Variants in SUGP1 observed in about 807,000 individuals in gnomAD.
SUGP1 encodes the protein SURP and G-patch domain containing 1.
In SUGP1, 34 loss-of-function variants were observed where a neutral mutation model predicts 76.5. That is an observed-to-expected ratio of 0.44 (90% CI 0.34 to 0.59). The LOEUF is 0.59. Among genes scored for constraint, SUGP1 ranks in the 20% least tolerant of loss-of-function variants. The pLI, the probability that SUGP1 is intolerant of heterozygous loss-of-function variation, is 0.01. For synonymous variants in SUGP1, 326 were observed against 326.2 expected (o/e 1.00, Z 0.01); for missense variants, 752 against 851.7 (o/e 0.88, Z 1.46).
In SUGP1 at chr19:19,278,206, A is replaced by G. The variant is rs193127806; in HGVS notation, c.1636-327T>C. Among the ~76,000 whole-genome samples, 4 of 152,308 alleles carry G rather than the reference A, an allele frequency of 2.6e-5. No individual in the cohort carries two copies. In the East Asian group the frequency reaches 7.7e-4, roughly 29 times the overall value. Reference sequence around the variant, plus strand: ...TCATGTCCTGAGAGCAATTTGTTGTACAAGGTACTAATAAGAGATGGACAA... The same window carrying G: ...TCATGTCCTGAGAGCAATTTGTTGTGCAAGGTACTAATAAGAGATGGACAA... On this transcript the variant is annotated intron_variant, in intron 11 of 13. Transcript: ENST00000247001.
intron 8 of SUGP1, among the ~76,000 whole-genome samples, chr19:19,290,030 TTA>T (rs1435939023): frequency 6.8e-6 from 1 of 148,118 alleles, no homozygotes; most frequent in Non-Finnish European, 1.5e-5. Context: ...GATAGGAAAT[TTA>T]TGTCTGGAGA....
At chr19:19,312,717 G>T (rs1216720773) in intron 2 of SUGP1, among the ~76,000 whole-genome samples, 2 of 152,206 alleles carry the variant, frequency 1.3e-5, no homozygotes, top group African/African-American at 4.8e-5. Context: ...GCCAGGCGCG[G>T]TGGCTCACGC....
chr19:19,306,333 C>T lies in SUGP1; in HGVS notation c.311-257G>A, dbSNP rs570414358. On this transcript the variant is annotated intron_variant, in intron 3 of 13. Coordinates refer to ENST00000247001, the MANE Select transcript of SUGP1 (RefSeq NM_172231.4). ...CCGCTGTGGCTGGAGGCATCTCGGT[C>T]GCGCTGCACCCACAGACTGGGGACA... 5.3e-5 allele frequency among the ~76,000 whole-genome samples: 8 copies of T among 152,310 alleles called. No homozygotes were observed. In the South Asian group the frequency reaches 1.2e-3, roughly 24 times the overall value.
At chr19:19,308,365 C>T (rs566900573) in intron 3 of SUGP1, among the ~76,000 whole-genome samples, 28 of 152,182 alleles carry the variant, frequency 1.8e-4, no homozygotes, top group African/African-American at 4.6e-4. Flanking sequence ...GAAGAGAATA[C>T]GACGTGTGTT....
chr19:19,280,158 C>G (rs2061086666), intron 9 of SUGP1, 27 bp downstream of exon 9: 1 of 1,606,186 alleles, frequency 6.2e-7, no homozygotes, highest in South Asian at 1.1e-5. Context: ...CGACCATGTC[C>G]CCGTCCCCTT....
At chr19:19,304,162 C>G in intron 4 of SUGP1, 3 of 683,986 alleles carry the variant, frequency 4.4e-6, no homozygotes, top group Non-Finnish European at 6.9e-6. Flanking sequence ...CTTTCTTTAC[C>G]AGTTTTCAGC....
At chr19:19,295,605 CAAAAAAAAAA>C (rs55921805) in intron 8 of SUGP1, among the ~76,000 whole-genome samples, 1,045 of 66,840 alleles carry the variant, frequency 0.016, 21 homozygotes, top group African/African-American at 0.046. Flanking sequence ...GACTCCTTCT[CAAAAAAAAAA>C]AAAAAAAAAA....
At chr19:19,295,648 TGCAGTGA>T (rs2061219683) in intron 8 of SUGP1, among the ~76,000 whole-genome samples, 1 of 148,854 alleles carries the variant, frequency 6.7e-6, no homozygotes, top group Non-Finnish European at 1.5e-5. Context: ...CGGCAGAGGT[TGCAGTGA>T]GCTGAGATCG....
intron 8 of SUGP1, among the ~76,000 whole-genome samples, chr19:19,286,685 C>A (rs2061142574): frequency 6.6e-6 from 1 of 151,806 alleles, no homozygotes; most frequent in Admixed American, 6.6e-5. Flanking sequence ...GAGTTTGAGT[C>A]CAGCCCGGGC....
At chr19:19,306,438 C>A (rs2061318655) in intron 3 of SUGP1, among the ~76,000 whole-genome samples, 1 of 152,218 alleles carries the variant, frequency 6.6e-6, no homozygotes, top group Non-Finnish European at 1.5e-5. Context: ...CCTTGGAGGT[C>A]TGTGGCCAGG....
intron 2 of SUGP1, among the ~76,000 whole-genome samples, chr19:19,312,587 A>G (rs956866642): frequency 6.0e-4 from 91 of 152,210 alleles, no homozygotes; most frequent in Non-Finnish European, 2.4e-4. Flanking sequence ...AATAACCTAA[A>G]TACATCAACA....
intron 2 of SUGP1, among the ~76,000 whole-genome samples, chr19:19,312,269 C>T (rs1428005823): frequency 6.9e-6 from 1 of 144,460 alleles, no homozygotes; most frequent in Non-Finnish European, 1.5e-5. Context: ...AATGGAAAAA[C>T]CCAACAATGT....
At chr19:19,284,722 G>A (rs2061125674) in intron 8 of SUGP1, among the ~76,000 whole-genome samples, 1 of 152,162 alleles carries the variant, frequency 6.6e-6, no homozygotes, top group Admixed American at 6.5e-5. Flanking sequence ...AGCAAAGGAT[G>A]GTTTGACAGG....
At chr19:19,278,909 G>A in intron 10 of SUGP1, 113 bp from the exon 11 acceptor site, 1 of 1,114,688 alleles carries the variant, frequency 9.0e-7, no homozygotes, top group Non-Finnish European at 1.3e-6. Context: ...GGCCCCCAGG[G>A]AAGGAGGCGG....
In SUGP1 at chr19:19,285,737, T is replaced by C. The variant is rs148135016; in HGVS notation, c.1244-5446A>G. Among the ~76,000 whole-genome samples the C allele has an allele frequency of 4.5e-3, 684 of 152,170 alleles. 8 individuals carry two copies. The highest frequency in any genetic ancestry group is 0.016 in the African/African-American group (660 of 41,506). On this transcript the variant is annotated intron_variant, in intron 8 of 13. Transcript: ENST00000247001. The stretch of plus-strand genomic sequence containing the variant: ...AACACCACCACACCCGGCTAATTTT[T>C]GTGGTTTTTTGTAGAGACAGGGTTT...
At position 19,297,044 on chromosome 19, in the gene SUGP1, G is replaced by GT; in HGVS notation, c.1187_1188insA (p.Pro398ThrfsTer3). On this transcript the variant is annotated frameshift_variant, in exon 8 of 14. Transcript: ENST00000247001. LOFTEE classifies it high-confidence loss of function. Reference sequence around the variant, plus strand: ...CCCTCTGCACCAGTTCAGCAGGTGGGAGCTCTACCTTATCCTCTTCAGGCC... The same window carrying GT: ...CCCTCTGCACCAGTTCAGCAGGTGGGTAGCTCTACCTTATCCTCTTCAGGCC... 1 of 1,608,778 alleles carries GT rather than the reference G, an allele frequency of 6.2e-7. No homozygotes were observed. The highest frequency in any genetic ancestry group is 8.5e-7 in the Non-Finnish European group (1 of 1,176,956).
chr19:19,288,576 G>A (rs2061158847), intron 8 of SUGP1, among the ~76,000 whole-genome samples: 1 of 152,022 alleles, frequency 6.6e-6, no homozygotes, highest in African/African-American at 2.4e-5. Flanking sequence ...GCAATGTGGT[G>A]AAACCCTGTC....
At chr19:19,302,203 C>A (rs982368269) in intron 7 of SUGP1, 62 bp downstream of exon 7, 18 of 1,600,426 alleles carry the variant, frequency 1.1e-5, no homozygotes, top group Non-Finnish European at 1.4e-5. Context: ...GATCCAGTGT[C>A]CTCCCCTGCA....
chr19:19,291,140 A>G (rs1199819321), intron 8 of SUGP1, among the ~76,000 whole-genome samples: 2 of 152,068 alleles, frequency 1.3e-5, no homozygotes, highest in African/African-American at 4.8e-5. Flanking sequence ...CAAAAAAATA[A>G]GAAAGAAAGA....
Sources: allele counts gnomAD v4.1 joint callset (sites outside exome capture counted in the v4.1 genomes callset), GRCh38; gene constraint gnomAD v4.1.1; transcripts MANE v1.5; gene names NCBI Gene and HGNC (gene_info 2026-07-23, HGNC 2026-07-21).